RALY: variants seen among roughly 807,000 people sequenced by gnomAD.
The protein encoded by RALY is RALY heterogeneous nuclear ribonucleoprotein.
A neutral mutation model predicts 30.7 loss-of-function variants in RALY; 15 were observed. That is an observed-to-expected ratio of 0.49 (90% CI 0.33 to 0.75). The LOEUF (loss-of-function observed/expected upper bound fraction) is 0.75. Among genes scored for constraint, RALY ranks in the 30% least tolerant of loss-of-function variants. The pLI, the probability that RALY is intolerant of heterozygous loss-of-function variation, is 0.02. For synonymous variants in RALY, 177 were observed against 170.8 expected (o/e 1.04, Z -0.28); for missense variants, 339 against 414.3 (o/e 0.82, Z 1.58).
chr20:34,079,129 T>G (rs1218631725), intron 9 of RALY, among the ~76,000 whole-genome samples: 1 of 152,196 alleles, frequency 6.6e-6, no homozygotes, highest in Non-Finnish European at 1.5e-5. Context: ...TGTGTCAGGC[T>G]TAGGGGCTGG....
chr20:34,062,369 C>T lies in RALY; in HGVS notation c.-9-9697C>T, dbSNP rs557062205. ...ACAGCATGACCTTATTTCCTTATGT[C>T]TGCCTGTCATAAGCAGTCTTGATCC... is the stretch of plus-strand genomic sequence containing the variant. On this transcript the variant is annotated intron_variant, in intron 2 of 9. Coordinates refer to ENST00000246194, the MANE Select transcript of RALY (RefSeq NM_016732.3). Among the ~76,000 whole-genome samples the T allele has an allele frequency of 1.9e-4, 29 of 152,342 alleles. 1 individual carries two copies. The highest frequency in any genetic ancestry group is 6.5e-4 in the African/African-American group (27 of 41,578).
At chr20:34,034,290 C>T (rs1474285885) in intron 2 of RALY, among the ~76,000 whole-genome samples, 2 of 152,194 alleles carry the variant, frequency 1.3e-5, no homozygotes, top group Non-Finnish European at 1.5e-5. Context: ...TCTCTTCGCA[C>T]TGTGTTTTAA....
rs2034044363 is a variant in RALY, at chr20:34,082,440, A to G, written c.*2535A>G. On this transcript the variant is annotated 3_prime_UTR_variant, in exon 10 of 10. Coordinates refer to ENST00000246194, the MANE Select transcript of RALY (RefSeq NM_016732.3). ...GGTCCTACCCAAGCATGCTTTACTG[A>G]GGAACTCAACGTTTCAGAGCTTGAG... 1 of 152,178 alleles carries G rather than the reference A, an allele frequency of 6.6e-6. No individual in the cohort carries two copies. The highest frequency in any genetic ancestry group is 2.1e-4 in the South Asian group (1 of 4,832). The allele number at this position is 152,178 out of a possible 1,614,324, so 9.4% of individuals were successfully genotyped here. A position where few individuals can be genotyped will look rare whatever the true frequency, so the allele number is the denominator to read the frequency against.
Position 34,007,706 on chromosome 20 carries a change from G to A in RALY, c.-93+13575G>A, listed in dbSNP as rs1295524684. Among the ~76,000 whole-genome samples the A allele has an allele frequency of 4.0e-5, 6 of 150,546 alleles. No homozygotes were observed. In the East Asian group the frequency reaches 1.2e-3, roughly 30 times the overall value. On this transcript the variant is annotated intron_variant, in intron 1 of 9. Coordinates refer to ENST00000246194, the MANE Select transcript of RALY (RefSeq NM_016732.3). ...GTGGTGGTGGGCGCCTATAATCTCA[G>A]CTACTTGGGAAGCTGAGGCAGGAGA...
chr20:34,044,905 T>C (rs529709120), intron 2 of RALY, among the ~76,000 whole-genome samples: 1 of 152,184 alleles, frequency 6.6e-6, no homozygotes, highest in Admixed American at 6.5e-5. Flanking sequence ...ACTGCCTTCA[T>C]GGAACTTGTT....
chr20:34,014,258 C>A (rs1221142980), intron 1 of RALY, among the ~76,000 whole-genome samples: 1 of 152,120 alleles, frequency 6.6e-6, no homozygotes, highest in African/African-American at 2.4e-5. Flanking sequence ...TATGTAGGGC[C>A]AGTACCTACT....
At chr20:34,039,663 C>T (rs1334267183) in intron 2 of RALY, among the ~76,000 whole-genome samples, 1 of 152,194 alleles carries the variant, frequency 6.6e-6, no homozygotes. Flanking sequence ...CAATTTGCAT[C>T]TAGAAATGCC....
chr20:34,052,302 T>G (rs1434679508), intron 2 of RALY, among the ~76,000 whole-genome samples: 1 of 152,226 alleles, frequency 6.6e-6, no homozygotes, highest in Non-Finnish European at 1.5e-5. Context: ...GAACTCTCAT[T>G]AACATCTTGA....
intron 2 of RALY, among the ~76,000 whole-genome samples, chr20:34,040,732 A>G (rs2032668670): frequency 6.6e-6 from 1 of 152,226 alleles, no homozygotes; most frequent in African/African-American, 2.4e-5. Flanking sequence ...TCATTAAGCT[A>G]TTAATAGCTC....
At position 34,084,323 on chromosome 20, in the gene RALY, GGGGAAAAAATCTGGTTTTC is replaced by G. The variant is rs2034071563; in HGVS notation, c.*4422_*4440del. Reference sequence around the variant, plus strand: ...GTGACAAAGCGAGACCCCAACTCAAGGGGAAAAAATCTGGTTTTCGGGCAGGTTCCAAGAAGTGGTAGAG... The same window carrying G: ...GTGACAAAGCGAGACCCCAACTCAAGGGGCAGGTTCCAAGAAGTGGTAGAG... On this transcript the variant is annotated 3_prime_UTR_variant, in exon 10 of 10. Coordinates refer to ENST00000246194, the MANE Select transcript of RALY (RefSeq NM_016732.3). The G allele has an allele frequency of 6.6e-6, 1 of 152,296 alleles. No individual in the cohort carries two copies. The highest frequency in any genetic ancestry group is 2.4e-5 in the African/African-American group (1 of 41,440). The allele number at this position is 152,296 out of a possible 1,614,324, so 9.4% of individuals were successfully genotyped here.
intron 1 of RALY, among the ~76,000 whole-genome samples, chr20:34,006,390 AAC>A (rs2031158577): frequency 6.6e-6 from 1 of 152,250 alleles, no homozygotes. Context: ...TATAAAGTGT[AAC>A]AGTTCCTCAG....
chr20:34,039,784 C>T (rs1765652762), intron 2 of RALY, among the ~76,000 whole-genome samples: 1 of 152,126 alleles, frequency 6.6e-6, no homozygotes, highest in Admixed American at 6.5e-5. Context: ...CCAGTACTAG[C>T]TTAATCTTTC....
At chr20:34,056,956 A>G (rs1013300246) in intron 2 of RALY, among the ~76,000 whole-genome samples, 1 of 152,242 alleles carries the variant, frequency 6.6e-6, no homozygotes, top group African/African-American at 2.4e-5. Context: ...AGTTTATACA[A>G]TAAGCTTTCC....
chr20:34,078,574 T>G, intron 9 of RALY, 21 bp downstream of exon 9: 1 of 1,543,030 alleles, frequency 6.5e-7, no homozygotes, highest in Non-Finnish European at 8.7e-7. Context: ...CCTGTCCTGA[T>G]GGGCAGAGGG....
intron 2 of RALY, among the ~76,000 whole-genome samples, chr20:34,050,620 C>G (rs180950476): frequency 6.6e-6 from 1 of 152,188 alleles, no homozygotes; most frequent in Non-Finnish European, 1.5e-5. Context: ...TAGTCTCTAT[C>G]TGAGAGTGTA....
At chr20:34,007,578 G>A (rs1223621451) in intron 1 of RALY, among the ~76,000 whole-genome samples, 2 of 151,690 alleles carry the variant, frequency 1.3e-5, no homozygotes, top group Admixed American at 6.6e-5. Context: ...CCAGCACTTC[G>A]GGAGGCCAAG....
intron 2 of RALY, among the ~76,000 whole-genome samples, chr20:34,036,216 A>G (rs1313127030): frequency 2.6e-5 from 4 of 152,176 alleles, no homozygotes; most frequent in Non-Finnish European, 2.9e-5. Flanking sequence ...TGATAAGAGC[A>G]GACAGCCTTC....
In RALY at chr20:34,062,490, T is replaced by C. The variant is rs576444621; in HGVS notation, c.-9-9576T>C. On this transcript the variant is annotated intron_variant, in intron 2 of 9. Transcript: ENST00000246194. ...ACCAGGGATAACACAAATTAAGGGG[T>C]AGAAGGGGCCTGCTCACAAAATCAG... 8.5e-5 allele frequency among the ~76,000 whole-genome samples: 13 copies of C among 152,306 alleles called. 2 individuals are homozygous for C. In the South Asian group the frequency reaches 2.7e-3, roughly 32 times the overall value.
intron 6 of RALY, chr20:34,076,282 A>G (rs979171688): frequency 4.3e-5 from 25 of 579,132 alleles, no homozygotes; most frequent in African/African-American, 4.1e-4. Context: ...AAATGGTGCC[A>G]TCTTTCCTCT....
Sources: allele counts gnomAD v4.1 joint callset (sites outside exome capture counted in the v4.1 genomes callset), GRCh38; gene constraint gnomAD v4.1.1; transcripts MANE v1.5; gene names NCBI Gene and HGNC (gene_info 2026-07-23, HGNC 2026-07-21).